HTR2C: variants seen among roughly 807,000 people sequenced by gnomAD.
HTR2C encodes 5-hydroxytryptamine (serotonin) receptor 2C, G protein-coupled.
In HTR2C, 5 loss-of-function variants were observed where a neutral mutation model predicts 21.0. The observed-to-expected ratio is 0.24, with a 90% CI of 0.12 to 0.50. The LOEUF (loss-of-function observed/expected upper bound fraction) is 0.50, where lower values mean the gene tolerates loss of function less well. HTR2C is among the 20% of genes least tolerant of loss of function. The pLI is 0.98. For missense variants in HTR2C, 271 were observed against 371.2 expected, an observed-to-expected ratio of 0.73 and a Z score of 2.22; for synonymous variants, 150 against 145.3, an observed-to-expected ratio of 1.03 and a Z score of -0.23.
intron 4 of HTR2C, among the ~76,000 whole-genome samples, chrX:114,836,304 C>T (rs1422891675): frequency 8.1e-5 from 9 of 111,680 alleles, no homozygotes; most frequent in African/African-American, 2.9e-4. Flanking sequence ...CCTCCCCCAG[C>T]CTCGCTGCCG....
At chrX:114,857,700 T>C (rs2070974138) in intron 5 of HTR2C, among the ~76,000 whole-genome samples, 1 of 111,094 alleles carries the variant, frequency 9.0e-6, no homozygotes, top group Non-Finnish European at 1.9e-5. Context: ...TAAAGTTCAA[T>C]TTGTCAGCGT....
intron 5 of HTR2C, among the ~76,000 whole-genome samples, chrX:114,876,422 C>CTTTTTTTTTTTTT (rs60498146): frequency 5.6e-3 from 348 of 62,240 alleles, no homozygotes; most frequent in East Asian, 9.0e-3. Context: ...CTTTTTCTTT[C>CTTTTTTTTTTTTT]TTTTTTTTTT....
At chrX:114,775,894 G>A in intron 4 of HTR2C, 1 of 373,566 alleles carries the variant, frequency 2.7e-6, no homozygotes, top group East Asian at 4.7e-5. Context: ...CACAGGCAAT[G>A]GATGTACAGA....
rs782514082 is a variant in HTR2C, at chrX:114,855,440, T to G, written c.550+7237T>G. ...TATACGTTGATAATCTTCATCAACC[T>G]TAATGGAAAAATCTTAAGATATTGG... On this transcript the variant is annotated intron_variant, in intron 5 of 5. Coordinates refer to ENST00000276198, the MANE Select transcript of HTR2C (RefSeq NM_000868.4). 1.2e-3 allele frequency among the ~76,000 whole-genome samples: 139 copies of G among 111,279 alleles called. 1 individual carries two copies. Among genetic ancestry groups the G allele is most frequent in the Non-Finnish European group, 2.0e-3 (107 of 52,832 alleles).
chrX:114,806,064 C>T (rs200011154), intron 4 of HTR2C, among the ~76,000 whole-genome samples: 56 of 87,354 alleles, frequency 6.4e-4, no homozygotes, highest in Non-Finnish European at 8.6e-4. Flanking sequence ...ACCATATATA[C>T]ACCATATATA....
chrX:114,724,820 C>G (rs1467101184), intron 2 of HTR2C, among the ~76,000 whole-genome samples: 1 of 102,453 alleles, frequency 9.8e-6, no homozygotes, highest in Non-Finnish European at 2.0e-5. Context: ...AAATTCCTTT[C>G]TTTAAGAATG....
At chrX:114,658,124 TTTAAC>T (rs1163766752) in intron 2 of HTR2C, among the ~76,000 whole-genome samples, 1 of 111,881 alleles carries the variant, frequency 8.9e-6, no homozygotes, top group Admixed American at 9.6e-5. Context: ...TTACATTTAA[TTTAAC>T]TTATTTTAAT....
chrX:114,616,865 G>A (rs888122186), intron 2 of HTR2C, among the ~76,000 whole-genome samples: 23 of 111,992 alleles, frequency 2.1e-4, no homozygotes, highest in Non-Finnish European at 3.8e-4. Flanking sequence ...CTGTAAAACC[G>A]CATCAACATT....
chrX:114,650,500 A>G (rs183269479), intron 2 of HTR2C, among the ~76,000 whole-genome samples: 1 of 111,687 alleles, frequency 9.0e-6, no homozygotes, highest in African/African-American at 3.2e-5. Context: ...CTGGAACACT[A>G]GTTTTCCATT....
At chrX:114,741,524 TAA>T (rs782206973) in intron 4 of HTR2C, among the ~76,000 whole-genome samples, 244 of 4,886 alleles carry the variant, frequency 0.05, 5 homozygotes, top group African/African-American at 0.095. Context: ...CGACTCCGTC[TAA>T]AAAAAAAAAA....
chrX:114,736,479 A>C (rs1556424476), intron 4 of HTR2C, among the ~76,000 whole-genome samples: 1 of 112,075 alleles, frequency 8.9e-6, no homozygotes, highest in East Asian at 2.8e-4. Context: ...GATAAAAGAA[A>C]GCCACAATTA....
At chrX:114,759,315 A>G (rs782409157) in intron 4 of HTR2C, among the ~76,000 whole-genome samples, 43 of 111,074 alleles carry the variant, frequency 3.9e-4, no homozygotes, top group African/African-American at 1.3e-3. Context: ...GTAACTTACT[A>G]TCATGAGTAT....
chrX:114,694,698 G>C (rs1357044341), intron 2 of HTR2C, among the ~76,000 whole-genome samples: 1 of 109,272 alleles, frequency 9.2e-6, no homozygotes, highest in Non-Finnish European at 1.9e-5. Flanking sequence ...TCGTCATGTT[G>C]GCCAGGCTGG....
intron 2 of HTR2C, among the ~76,000 whole-genome samples, chrX:114,654,108 A>T (rs1172546327): frequency 5.5e-5 from 6 of 110,028 alleles, no homozygotes; most frequent in Non-Finnish European, 1.1e-4. Context: ...TATTGATCCA[A>T]CTTATGATAA....
intron 2 of HTR2C, among the ~76,000 whole-genome samples, chrX:114,683,524 C>A (rs1381490576): frequency 9.0e-6 from 1 of 111,424 alleles, no homozygotes; most frequent in Non-Finnish European, 1.9e-5. Flanking sequence ...GTGGCTCACA[C>A]CTGTAATCCC....
At chrX:114,861,639 G>A (rs2071007353) in intron 5 of HTR2C, among the ~76,000 whole-genome samples, 2 of 110,652 alleles carry the variant, frequency 1.8e-5, no homozygotes, top group African/African-American at 6.6e-5. Flanking sequence ...TTTCCTCCAC[G>A]CATTTGCCAA....
At chrX:114,883,070 CT>C (rs1312379130) in intron 5 of HTR2C, among the ~76,000 whole-genome samples, 6 of 109,719 alleles carry the variant, frequency 5.5e-5, no homozygotes, top group African/African-American at 2.0e-4. Context: ...GTCACATTGT[CT>C]TTTTTTGAGT....
Position 114,908,073 on chromosome X carries a change from C to T in HTR2C, c.*658C>T, listed in dbSNP as rs200393343. ...TATTTTAACATAGCAGCTGGTTAACCGGGACTACAGAAGTGGAAGGATAAT... is the reference window on the plus strand; with the variant it reads ...TATTTTAACATAGCAGCTGGTTAACTGGGACTACAGAAGTGGAAGGATAAT... On this transcript the variant is annotated 3_prime_UTR_variant, in exon 6 of 6. Coordinates refer to ENST00000276198, the MANE Select transcript of HTR2C (RefSeq NM_000868.4). 8.9e-6 allele frequency: 1 copy of T among 112,201 alleles called. No homozygotes were observed. The highest frequency in any genetic ancestry group is 3.2e-5 in the African/African-American group (1 of 30,791). The allele number at this position is 112,201 out of a possible 1,213,427, so 9.2% of individuals were successfully genotyped here.
chrX:114,784,294 T>G (rs1341134462), intron 4 of HTR2C, among the ~76,000 whole-genome samples: 1 of 111,582 alleles, frequency 9.0e-6, no homozygotes, highest in Non-Finnish European at 1.9e-5. Flanking sequence ...ATATTATAAA[T>G]GATTTTATGC....
Sources: allele counts gnomAD v4.1 joint callset (sites outside exome capture counted in the v4.1 genomes callset), GRCh38; gene constraint gnomAD v4.1.1; transcripts MANE v1.5; gene names NCBI Gene and HGNC (gene_info 2026-07-23, HGNC 2026-07-21).